Variants in SPAG17 observed in about 807,000 individuals in gnomAD.
SPAG17 encodes sperm associated antigen 17.
SPAG17 carries 169 observed loss-of-function variants against 273.6 expected under a neutral mutation model. The ratio of observed to expected loss-of-function variants is 0.62; its 90% CI spans 0.55 to 0.70. The LOEUF is 0.70. Among genes scored for constraint, SPAG17 ranks in the 30% least tolerant of loss-of-function variants. SPAG17 has a pLI of 0.00. For missense variants in SPAG17, 2,557 were observed against 2,627.8 expected, an observed-to-expected ratio of 0.97 and a Z score of 0.59; for synonymous variants, 825 against 873.2, an observed-to-expected ratio of 0.94 and a Z score of 0.97.
chr1:118,081,070 C>A (rs1372437815), intron 15 of SPAG17, 31 bp downstream of exon 15: 3 of 1,459,108 alleles, frequency 2.1e-6, no homozygotes, highest in Admixed American at 3.4e-5. Flanking sequence ...CACACACACA[C>A]ACACACACAC....
chr1:118,162,118 T>G (rs951113052), intron 1 of SPAG17, among the ~76,000 whole-genome samples: 1 of 152,206 alleles, frequency 6.6e-6, no homozygotes, highest in South Asian at 2.1e-4. Flanking sequence ...AGAATAAATT[T>G]CAAGCCCTAG....
intron 18 of SPAG17, 34 bp from the exon 19 acceptor site, chr1:118,055,948 A>C: frequency 6.5e-7 from 1 of 1,536,460 alleles, no homozygotes; most frequent in Non-Finnish European, 8.8e-7. Flanking sequence ...CAATTGAGTT[A>C]CTATGAAAGT....
intron 25 of SPAG17, among the ~76,000 whole-genome samples, chr1:118,029,126 T>G (rs2101871339): frequency 6.6e-6 from 1 of 152,262 alleles, no homozygotes; most frequent in Non-Finnish European, 1.5e-5. Context: ...GGTACATGCC[T>G]GTGGTCCCAG....
Position 118,073,983 on chromosome 1 carries a change from A to T in SPAG17, c.2272-16T>A, listed in dbSNP as rs750561544. 6.6e-7 allele frequency: 1 copy of T among 1,522,654 alleles called. No homozygotes were observed. The highest frequency in any genetic ancestry group is 1.3e-5 in the South Asian group (1 of 77,292). The allele number at this position is 1,522,654 out of a possible 1,614,324, so 94.3% of individuals were successfully genotyped here. On this transcript the variant is annotated splice_polypyrimidine_tract_variant and intron_variant, in intron 16 of 48. Coordinates refer to ENST00000336338, the MANE Select transcript of SPAG17 (RefSeq NM_206996.4). ...TCTTGGGTTTCTAAAATATCATAGG[A>T]ACACAATTTCAGCTTTAATTTGTTT...
At chr1:117,982,919 C>A (rs551113562) in intron 42 of SPAG17, among the ~76,000 whole-genome samples, 2 of 152,188 alleles carry the variant, frequency 1.3e-5, no homozygotes, top group South Asian at 4.1e-4. Flanking sequence ...TATAGAATGT[C>A]TGCATTTTGG....
chr1:117,993,194 C>T (rs931297862), intron 35 of SPAG17, among the ~76,000 whole-genome samples: 5 of 152,078 alleles, frequency 3.3e-5, no homozygotes, highest in Admixed American at 6.6e-5. Context: ...TACTTGTGAT[C>T]GATTTTCAGG....
intron 22 of SPAG17, 43 bp from the exon 23 acceptor site, chr1:118,039,487 C>T: frequency 6.3e-7 from 1 of 1,590,150 alleles, no homozygotes; most frequent in South Asian, 1.1e-5. Context: ...GATTAGGATG[C>T]CACATTAAGC....
chr1:118,014,718 A>T (rs1659794307), intron 29 of SPAG17, among the ~76,000 whole-genome samples: 2 of 152,200 alleles, frequency 1.3e-5, no homozygotes, highest in Admixed American at 6.5e-5. Flanking sequence ...GTTCACACAC[A>T]AGAGTTAAGG....
At chr1:118,118,394 A>G (rs1057170153) in intron 3 of SPAG17, among the ~76,000 whole-genome samples, 10 of 152,330 alleles carry the variant, frequency 6.6e-5, no homozygotes, top group African/African-American at 2.4e-4. Context: ...ACATGTGAGC[A>G]GCGAGCTGGC....
At chr1:118,118,620 C>T (rs1446016632) in intron 3 of SPAG17, among the ~76,000 whole-genome samples, 1 of 152,176 alleles carries the variant, frequency 6.6e-6, no homozygotes, top group East Asian at 1.9e-4. Flanking sequence ...TGTCTCCTGA[C>T]CTCTTCAGGT....
At position 118,003,778 on chromosome 1, in the gene SPAG17, G is replaced by T. The variant is rs368871218; in HGVS notation, c.4776+1636C>A. ...TTTGAACATGTTCCTTTAGCTCAGA[G>T]AAGTTTGTTATAACTGACCTTCTGA... On this transcript the variant is annotated intron_variant, in intron 32 of 48. Transcript: ENST00000336338. 1.6e-4 allele frequency among the ~76,000 whole-genome samples: 25 copies of T among 152,246 alleles called. No individual in the cohort carries two copies. The East Asian group carries it at 4.6e-3, about 28-fold the overall frequency.
chr1:118,124,619 G>T (rs980524610), intron 3 of SPAG17, among the ~76,000 whole-genome samples: 1 of 152,228 alleles, frequency 6.6e-6, no homozygotes, highest in African/African-American at 2.4e-5. Context: ...CTCAGACTGT[G>T]TAACACACAA....
rs1041527368 is a variant in SPAG17 at position 118,036,842 on chromosome 1, A to T, written c.3361T>A (p.Ser1121Thr). ...AKNKAFSKFGSFSATLENGIC... is the reference protein window; with the variant it reads ...AKNKAFSKFGTFSATLENGIC... Reference sequence around the variant, plus strand: ...CCATTTTCTAAGGTGGCAGAAAAAGATCCAAACTTGCTGAAAGCTTTATTC... The same window carrying T: ...CCATTTTCTAAGGTGGCAGAAAAAGTTCCAAACTTGCTGAAAGCTTTATTC... The change falls in exon 24 of 49, where the codon TCT (serine) becomes ACT (threonine). Residue 1121 changes from serine to threonine, a missense_variant. Coordinates refer to ENST00000336338, the MANE Select transcript of SPAG17 (RefSeq NM_206996.4). 1 of 1,561,512 alleles carries T rather than the reference A, an allele frequency of 6.4e-7. No homozygotes were observed. Among genetic ancestry groups the T allele is most frequent in the Admixed American group, 1.9e-5 (1 of 52,654 alleles).
chr1:118,044,193 A>G (rs1366625848), intron 20 of SPAG17, among the ~76,000 whole-genome samples: 1 of 152,180 alleles, frequency 6.6e-6, no homozygotes, highest in East Asian at 1.9e-4. Flanking sequence ...TTACCAGCAC[A>G]CCGCTGAATG....
intron 10 of SPAG17, among the ~76,000 whole-genome samples, chr1:118,091,281 G>C (rs1655352543): frequency 6.6e-6 from 1 of 152,068 alleles, no homozygotes; most frequent in Admixed American, 6.6e-5. Flanking sequence ...TAAAGATAAA[G>C]ACTATTAACA....
intron 18 of SPAG17, among the ~76,000 whole-genome samples, chr1:118,060,020 T>C (rs968237707): frequency 6.6e-6 from 1 of 152,168 alleles, no homozygotes; most frequent in Non-Finnish European, 1.5e-5. Flanking sequence ...TTTGTATATA[T>C]TGAACCATTC....
chr1:118,022,943 A>T (rs974182058), intron 28 of SPAG17, among the ~76,000 whole-genome samples: 1 of 152,044 alleles, frequency 6.6e-6, no homozygotes, highest in African/African-American at 2.4e-5. Context: ...GAGTTGATAT[A>T]CCTTCTTGCA....
chr1:118,093,223 A>G lies in SPAG17; in HGVS notation c.1106T>C (p.Met369Thr), dbSNP rs761517105. The G allele has an allele frequency of 6.8e-6, 11 of 1,613,758 alleles. No individual in the cohort carries two copies. The highest frequency in any genetic ancestry group is 5.0e-5 in the Admixed American group (3 of 59,966). ...CACTTGTGGAACATTAATAAGCTGC[A>G]TGCTTTCCAAATAGTGCTGGTGCTG... ...KRQHQHYLES[M>T]QLINVPQVVN... The change falls in exon 8 of 49, where the codon ATG becomes ACG. Residue 369 changes from methionine to threonine, a missense_variant. Met to Thr is a moderately conservative substitution (Grantham distance 81). Transcript: ENST00000336338.
rs11361620 is a variant in SPAG17 at position 117,971,052 on chromosome 1, G to GT, written c.6326+810dup. ...ATCTTTCAAACTGGATGCTTCTATCGTTTTTTTTTTATCTGATTTCCAATC... is the reference window on the plus strand; with the variant it reads ...ATCTTTCAAACTGGATGCTTCTATCGTTTTTTTTTTTATCTGATTTCCAATC... On this transcript the variant is annotated intron_variant, in intron 45 of 48. Coordinates refer to ENST00000336338, the MANE Select transcript of SPAG17 (RefSeq NM_206996.4). 8.6e-3 allele frequency among the ~76,000 whole-genome samples: 1,275 copies of GT among 148,638 alleles called. 7 individuals are homozygous for GT. The highest frequency in any genetic ancestry group is 0.025 in the African/African-American group (997 of 40,594).
Sources: gnomAD v4.1 joint callset for allele counts (sites outside exome capture counted in the v4.1 genomes callset) on GRCh38, gnomAD v4.1.1 for gene constraint, MANE v1.5 for transcripts, NCBI Gene and HGNC (gene_info 2026-07-23, HGNC 2026-07-21) for gene names.